IRAG2: variants seen among roughly 807,000 people sequenced by gnomAD.
IRAG2 encodes lymphoid restricted membrane protein.
A neutral mutation model predicts 69.9 loss-of-function variants in IRAG2; 45 were observed. The observed-to-expected ratio is 0.64, with a 90% CI of 0.51 to 0.83. IRAG2 has a LOEUF of 0.83. IRAG2 is among the 40% of genes least tolerant of loss of function. The probability of loss-of-function intolerance (pLI) is 0.00; values close to 1 mark genes in which losing one functional copy is unlikely to be tolerated. For missense variants in IRAG2, 520 were observed against 587.0 expected, an observed-to-expected ratio of 0.89 and a Z score of 1.18; for synonymous variants, 193 against 202.4, an observed-to-expected ratio of 0.95 and a Z score of 0.40.
intron 13 of IRAG2, among the ~76,000 whole-genome samples, chr12:25,035,155 C>T (rs1253720441): frequency 6.6e-6 from 1 of 152,124 alleles, no homozygotes; most frequent in Non-Finnish European, 1.5e-5. Context: ...AGTCCTGTAA[C>T]CTTTTCAACA....
At chr12:25,005,289 T>A in exon 2 of IRAG2, 1 of 1,231,514 alleles carries the variant, frequency 8.1e-7, no homozygotes, top group Non-Finnish European at 1.0e-6. Context: ...ATATACAGCA[T>A]CAACAGGGCC....
chr12:25,079,550 A>G, intron 8 of IRAG2, 88 bp downstream of exon 8: 2 of 1,340,248 alleles, frequency 1.5e-6, no homozygotes, highest in South Asian at 2.3e-5. Context: ...GGTGTGAGCA[A>G]ATGAGAAGAA....
intron 17 of IRAG2, chr12:25,102,459 TTC>T (rs1190289434): frequency 1.3e-5 from 7 of 530,354 alleles, no homozygotes; most frequent in Non-Finnish European, 2.3e-5. Context: ...CAACAATGGT[TTC>T]TCTCTGTTGT....
At chr12:25,093,474 A>C (rs1262494987) in intron 14 of IRAG2, 2 of 152,744 alleles carry the variant, frequency 1.3e-5, no homozygotes, top group Non-Finnish European at 2.9e-5. Context: ...TTTTCTTCTC[A>C]CATCACTTTC....
At chr12:25,020,280 A>G (rs1195275426) in intron 6 of IRAG2, among the ~76,000 whole-genome samples, 1 of 152,222 alleles carries the variant, frequency 6.6e-6, no homozygotes, top group Non-Finnish European at 1.5e-5. Flanking sequence ...ACAGTATGAT[A>G]AACTTCTTTA....
upstream of IRAG2, among the ~76,000 whole-genome samples, chr12:25,000,376 G>A (rs1944382703): frequency 6.6e-6 from 1 of 152,200 alleles, no homozygotes; most frequent in Admixed American, 6.5e-5. Flanking sequence ...GAGCCTGGGA[G>A]GTGGAGGTTC....
intron 1 of IRAG2, among the ~76,000 whole-genome samples, chr12:25,053,545 T>C (rs925909326): frequency 6.6e-6 from 1 of 152,132 alleles, no homozygotes; most frequent in African/African-American, 2.4e-5. Context: ...TACCCAAAAG[T>C]ATATAAACAG....
At chr12:25,067,912 C>T (rs1454030252) in intron 5 of IRAG2, among the ~76,000 whole-genome samples, 1 of 152,092 alleles carries the variant, frequency 6.6e-6, no homozygotes, top group African/African-American at 2.4e-5. Flanking sequence ...ATGATCTCGG[C>T]TCACTGCAAC....
intron 15 of IRAG2, 105 bp downstream of exon 15, chr12:25,097,149 T>C (rs1054501768): frequency 1.0e-5 from 12 of 1,186,670 alleles, no homozygotes; most frequent in Non-Finnish European, 1.4e-5. Context: ...AAAAAATACT[T>C]TTGTTGTATA....
intron 8 of IRAG2, chr12:25,024,070 A>C: frequency 2.5e-6 from 1 of 403,900 alleles, no homozygotes; most frequent in South Asian, 1.4e-4. Flanking sequence ...GTGAGGAGGA[A>C]TGGATGGGAT....
chr12:25,077,188 A>ATATATGAAATATATATGG, intron 6 of IRAG2, among the ~76,000 whole-genome samples: 1 of 63,144 alleles, frequency 1.6e-5, no homozygotes, highest in Admixed American at 2.1e-4. Context: ...TATATATGAT[A>ATATATGAAATATATATGG]TATATATGAA....
At chr12:25,003,140 C>T (rs944598371), upstream of IRAG2, among the ~76,000 whole-genome samples, 1 of 152,094 alleles carries the variant, frequency 6.6e-6, no homozygotes, top group African/African-American at 2.4e-5. Flanking sequence ...ATTCTAGATA[C>T]CCCTTCCAAT....
chr12:25,005,037 C>A, intron 1 of IRAG2: 2 of 665,118 alleles, frequency 3.0e-6, no homozygotes, highest in Non-Finnish European at 4.2e-6. Context: ...TCCATCTTTC[C>A]CTTTCTGTTT....
chr12:25,066,743 G>A (rs1482886987), intron 5 of IRAG2, among the ~76,000 whole-genome samples: 5 of 149,718 alleles, frequency 3.3e-5, no homozygotes, highest in Non-Finnish European at 3.0e-5. Context: ...GCTGCCTCCC[G>A]AGGTCAAGCA....
intron 10 of IRAG2, among the ~76,000 whole-genome samples, chr12:25,084,817 C>T (rs142640620): frequency 7.0e-4 from 107 of 152,240 alleles, no homozygotes; most frequent in East Asian, 1.5e-3. Context: ...TTCCAAGAAC[C>T]CCACAGATAC....
chr12:25,002,855 TG>T (rs1944402460), upstream of IRAG2, among the ~76,000 whole-genome samples: 1 of 152,180 alleles, frequency 6.6e-6, no homozygotes, highest in South Asian at 2.1e-4. Flanking sequence ...TTGGCCAAGC[TG>T]GTCTGGAACT....
the IRAG2 span, among the ~76,000 whole-genome samples, chr12:24,999,071 A>G: frequency 1.3e-5 from 2 of 152,206 alleles, no homozygotes; most frequent in African/African-American, 4.8e-5. Context: ...TGATTGAATA[A>G]TATAGATGTT....
intron 6 of IRAG2, among the ~76,000 whole-genome samples, chr12:25,018,579 T>A (rs950631442): frequency 1.3e-5 from 2 of 152,124 alleles, no homozygotes; most frequent in African/African-American, 4.8e-5. Context: ...AACTAATCTT[T>A]AAAAAAATTG....
At chr12:25,087,486 G>A (rs1437520796) in intron 10 of IRAG2, among the ~76,000 whole-genome samples, 1 of 151,966 alleles carries the variant, frequency 6.6e-6, no homozygotes, top group Non-Finnish European at 1.5e-5. Flanking sequence ...CCTATTAAGA[G>A]CACTTGTTTA....
Sources: allele counts gnomAD v4.1 joint callset (sites outside exome capture counted in the v4.1 genomes callset), GRCh38; gene constraint gnomAD v4.1.1; transcripts MANE v1.5; gene names NCBI Gene and HGNC (gene_info 2026-07-23, HGNC 2026-07-21).